RNF122: variants seen among roughly 807,000 people sequenced by gnomAD.
RNF122 encodes ring finger protein 122.
RNF122 carries 17 observed loss-of-function variants against 24.2 expected under a neutral mutation model. The ratio of observed to expected loss-of-function variants is 0.70; its 90% CI spans 0.48 to 1.06. RNF122 has a LOEUF of 1.06. Among genes scored for constraint, RNF122 ranks in the 50% least tolerant of loss-of-function variants. RNF122 has a pLI of 0.00. For missense variants in RNF122, 168 were observed against 198.1 expected (o/e 0.85, Z 0.91); for synonymous variants, 65 against 71.8 (o/e 0.91, Z 0.48).
intron 3 of RNF122, 115 bp downstream of exon 3, chr8:33,551,229 C>A (rs1469352370): frequency 6.7e-7 from 1 of 1,488,364 alleles, no homozygotes; most frequent in Non-Finnish European, 9.4e-7. Context: ...CTCAGGGAGA[C>A]CCAGAGGTGA....
chr8:33,563,816 C>G lies in RNF122; in HGVS notation c.25+2883G>C, dbSNP rs533939417. On this transcript the variant is annotated intron_variant, in intron 1 of 5. Coordinates refer to ENST00000256257, the MANE Select transcript of RNF122 (RefSeq NM_024787.3). ...GGCACCTTTTATGAGCTGAAACCTC[C>G]TTTGGTTTCCAGTTCTGGGAACTTG... Among the ~76,000 whole-genome samples, 10 of 152,260 alleles carry G rather than the reference C, an allele frequency of 6.6e-5. No homozygotes were observed. The East Asian group carries it at 1.9e-3, about 29-fold the overall frequency.
At chr8:33,551,509 C>A (rs112888024) in intron 2 of RNF122, 120 bp from the exon 3 acceptor site, 68 of 903,580 alleles carry the variant, frequency 7.5e-5, no homozygotes, top group Non-Finnish European at 1.1e-4. Context: ...GTCCCATACA[C>A]ACCACAGGGC....
chr8:33,554,512 T>C (rs1016769725), intron 2 of RNF122, among the ~76,000 whole-genome samples: 1 of 152,166 alleles, frequency 6.6e-6, no homozygotes, highest in African/African-American at 2.4e-5. Flanking sequence ...CCCCTCATCC[T>C]GCATACAGAT....
Position 33,551,082 on chromosome 8 carries a change from C to A in RNF122, c.232G>T (p.Val78Leu), listed in dbSNP as rs775647291. 1.2e-6 allele frequency: 2 copies of A among 1,614,084 alleles called. No homozygotes were observed. The highest frequency in any genetic ancestry group is 2.2e-5 in the East Asian group (1 of 44,874). ...QSERYGYKEV[V>L]LKGDAKKLQL... The stretch of plus-strand genomic sequence containing the variant: ...AACTTCTTGGCATCACCTTTAAGCA[C>A]CACCTGAAAAGAAAGAGGAGGCATG... The change falls in exon 4 of 6, where the codon GTG becomes TTG. Residue 78 changes from valine (V) to leucine (L), a missense_variant. Physicochemically the swap from Val to Leu is conservative, Grantham distance 32 (BLOSUM62 1). Transcript: ENST00000256257.
chr8:33,566,688 C>G lies in RNF122; in HGVS notation c.25+11G>C. The stretch of plus-strand genomic sequence containing the variant: ...CCCCACGTAGGCTCGGCCCTCGCCC[C>G]GGGGACTCACCGTTACACCACTGGA... On this transcript the variant is annotated intron_variant, in intron 1 of 5. Coordinates refer to ENST00000256257, the MANE Select transcript of RNF122 (RefSeq NM_024787.3). 6.2e-7 allele frequency: 1 copy of G among 1,600,564 alleles called. No individual in the cohort carries two copies. The highest frequency in any genetic ancestry group is 1.1e-5 in the South Asian group (1 of 88,168).
intron 4 of RNF122, among the ~76,000 whole-genome samples, chr8:33,549,848 A>T (rs183320126): frequency 2.2e-4 from 34 of 152,256 alleles, no homozygotes; most frequent in Admixed American, 1.2e-3. Flanking sequence ...AATGGTTTTC[A>T]ATCCTTTCTT....
At chr8:33,562,728 A>C (rs1810557287) in intron 1 of RNF122, among the ~76,000 whole-genome samples, 1 of 151,932 alleles carries the variant, frequency 6.6e-6, no homozygotes, top group Non-Finnish European at 1.5e-5. Context: ...GTTCAAGACC[A>C]ACCTGGCTAA....
intron 2 of RNF122, among the ~76,000 whole-genome samples, chr8:33,557,043 T>TA (rs1810463294): frequency 6.6e-6 from 1 of 152,204 alleles, no homozygotes; most frequent in Non-Finnish European, 1.5e-5. Flanking sequence ...GCCTTTTCCT[T>TA]AATCTTAATT....
At chr8:33,559,546 TA>T (rs561878157) in intron 1 of RNF122, among the ~76,000 whole-genome samples, 1 of 152,188 alleles carries the variant, frequency 6.6e-6, no homozygotes, top group Non-Finnish European at 1.5e-5. Context: ...ATATGCTTTG[TA>T]AATTGCAAAG....
intron 2 of RNF122, among the ~76,000 whole-genome samples, chr8:33,555,422 C>T (rs1028015414): frequency 6.6e-6 from 1 of 152,156 alleles, no homozygotes; most frequent in South Asian, 2.1e-4. Flanking sequence ...AGGCCAGTCT[C>T]GAACTCCTGA....
rs768100824 is a variant in RNF122 at position 33,566,767 on chromosome 8, G to A, written c.-44C>T. The A allele has an allele frequency of 6.3e-7, 1 of 1,589,900 alleles. No homozygotes were observed. The highest frequency in any genetic ancestry group is 8.6e-7 in the Non-Finnish European group (1 of 1,169,224). On this transcript the variant is annotated 5_prime_UTR_variant, in exon 1 of 6. Coordinates refer to ENST00000256257, the MANE Select transcript of RNF122 (RefSeq NM_024787.3). ...CTTCCTCGGGCGAACGGACGCAGGCGGGGTGCCAGGAGGGCGGGGTGGGAG... is the reference window on the plus strand; with the variant it reads ...CTTCCTCGGGCGAACGGACGCAGGCAGGGTGCCAGGAGGGCGGGGTGGGAG...
At chr8:33,564,859 C>G (rs1388491953) in intron 1 of RNF122, among the ~76,000 whole-genome samples, 1 of 151,362 alleles carries the variant, frequency 6.6e-6, no homozygotes, top group Non-Finnish European at 1.5e-5. Context: ...ACAACAAGAG[C>G]GAAACTCAGT....
In RNF122 at chr8:33,548,795, C is replaced by G; in HGVS notation, c.426G>C (p.Glu142Asp). 6.2e-7 allele frequency: 1 copy of G among 1,614,008 alleles called. No homozygotes were observed. Among genetic ancestry groups the G allele is most frequent in the Non-Finnish European group, 8.5e-7 (1 of 1,179,964 alleles). ...MCNKPIASPSEATQNIGILLD... is the reference protein window; with the variant it reads ...MCNKPIASPSDATQNIGILLD... ...ATAGAATCCCAATGTTCTGCGTGGC[C>G]TCTGAGGGACTAGCAATGGGCTTGT... is the stretch of plus-strand genomic sequence containing the variant. The change falls in exon 6 of 6, where the codon GAG becomes GAC. Residue 142 changes from glutamate to aspartate, a missense_variant. Glu to Asp is a conservative substitution (Grantham distance 45, BLOSUM62 2). Coordinates refer to ENST00000256257, the MANE Select transcript of RNF122 (RefSeq NM_024787.3).
In RNF122 at chr8:33,566,760, C is replaced by G. The variant is rs201541006; in HGVS notation, c.-37G>C. ...CGGTTGGCTTCCTCGGGCGAACGGA[C>G]GCAGGCGGGGTGCCAGGAGGGCGGG... On this transcript the variant is annotated 5_prime_UTR_variant, in exon 1 of 6. Transcript: ENST00000256257. 2 of 1,595,552 alleles carry G rather than the reference C, an allele frequency of 1.3e-6. No individual in the cohort carries two copies. Among genetic ancestry groups the G allele is most frequent in the East Asian group, 2.3e-5 (1 of 44,160 alleles).
chr8:33,558,822 G>A (rs1284730791), intron 1 of RNF122, 51 bp from the exon 2 acceptor site: 1 of 1,440,140 alleles, frequency 6.9e-7, no homozygotes. Context: ...TTACTGCTGG[G>A]CTGATAGCAC....
rs1585364631 is a variant in RNF122 at position 33,566,799 on chromosome 8, C to T, written c.-76G>A. The T allele has an allele frequency of 2.0e-6, 3 of 1,496,166 alleles. No individual in the cohort carries two copies. The highest frequency in any genetic ancestry group is 4.8e-5 in the East Asian group (2 of 42,068). The allele number at this position is 1,496,166 out of a possible 1,614,324, so 92.7% of individuals were successfully genotyped here. ...CAGGAGGGCGGGGTGGGAGCACTAGCGGCGTGAGGGGCCGCAGGCGGGGTC... is the reference window on the plus strand; with the variant it reads ...CAGGAGGGCGGGGTGGGAGCACTAGTGGCGTGAGGGGCCGCAGGCGGGGTC... On this transcript the variant is annotated 5_prime_UTR_variant, in exon 1 of 6. Coordinates refer to ENST00000256257, the MANE Select transcript of RNF122 (RefSeq NM_024787.3).
intron 2 of RNF122, among the ~76,000 whole-genome samples, chr8:33,555,846 T>C (rs11985273): frequency 0.14 from 21,690 of 152,048 alleles, 3,247 homozygotes; most frequent in African/African-American, 0.38. Flanking sequence ...CTGACCACAA[T>C]GCCTGGCCTA....
chr8:33,561,184 A>G (rs1810534675), intron 1 of RNF122, among the ~76,000 whole-genome samples: 1 of 152,154 alleles, frequency 6.6e-6, no homozygotes, highest in Non-Finnish European at 1.5e-5. Flanking sequence ...GCCCAGCTCC[A>G]AAGGGTTCTC....
intron 1 of RNF122, among the ~76,000 whole-genome samples, chr8:33,563,370 G>A (rs1417894601): frequency 1.3e-5 from 2 of 152,210 alleles, no homozygotes; most frequent in African/African-American, 4.8e-5. Context: ...CAACCAGCAA[G>A]TATTATTGAG....
Sources: allele counts gnomAD v4.1 joint callset (sites outside exome capture counted in the v4.1 genomes callset), GRCh38; gene constraint gnomAD v4.1.1; transcripts MANE v1.5; gene names NCBI Gene and HGNC (gene_info 2026-07-23, HGNC 2026-07-21).